PABPC1L: variants seen among roughly 807,000 people sequenced by gnomAD.
The protein encoded by PABPC1L is polyadenylate-binding protein 1-like.
PABPC1L carries 31 observed loss-of-function variants against 66.6 expected under a neutral mutation model. The ratio of observed to expected loss-of-function variants is 0.47; its 90% confidence interval spans 0.35 to 0.63. The LOEUF (loss-of-function observed/expected upper bound fraction) is 0.63, where lower values mean the gene tolerates loss of function less well. PABPC1L is among the 20% of genes least tolerant of loss of function. The probability of loss-of-function intolerance (pLI) is 0.00; values close to 1 mark genes in which losing one functional copy is unlikely to be tolerated. For synonymous variants in PABPC1L, 348 were observed against 335.1 expected (o/e 1.04, Z -0.42); for missense variants, 722 against 848.8 (o/e 0.85, Z 1.86).
At chr20:44,937,101 C>A in intron 12 of PABPC1L, 1 of 419,234 alleles carries the variant, frequency 2.4e-6, no homozygotes, top group South Asian at 1.8e-5. Flanking sequence ...CTCTCCTGAA[C>A]GGGAGGAAGC....
rs1490028042 is a variant in PABPC1L at position 44,919,024 on chromosome 20, C to T, written c.622C>T (p.Gln208Ter). 2 of 1,612,386 alleles carry T rather than the reference C, an allele frequency of 1.2e-6. No individual in the cohort carries two copies. Among genetic ancestry groups the T allele is most frequent in the African/African-American group, 2.7e-5 (2 of 74,900 alleles). Residue 208 changes from glutamine (Q) to a stop codon, truncating the protein, a stop_gained, in exon 4 of 15, where the codon CAG becomes TAG. Transcript: ENST00000217073. LOFTEE classifies it high-confidence loss of function. ...GGTGGATGTGGACGAGCAAGGCCTG[C>T]AGGACCTCTTCTCCCAGTTTGGTGG... ...LPVDVDEQGL[Q>*]DLFSQFGKML...
At chr20:44,934,434 T>C (rs1265766641) in intron 10 of PABPC1L, among the ~76,000 whole-genome samples, 1 of 152,266 alleles carries the variant, frequency 6.6e-6, no homozygotes, top group East Asian at 1.9e-4. Flanking sequence ...TCCAGAACTC[T>C]GTTCAGCTTG....
chr20:44,919,343 CA>C, intron 5 of PABPC1L, 66 bp downstream of exon 5: 1 of 1,545,478 alleles, frequency 6.5e-7, no homozygotes, highest in Non-Finnish European at 8.9e-7. Flanking sequence ...AAGAGGGTCC[CA>C]GCTGCCTGTG....
intron 11 of PABPC1L, 48 bp downstream of exon 11, chr20:44,935,545 T>C (rs1179860602): frequency 6.5e-7 from 1 of 1,541,622 alleles, no homozygotes; most frequent in Non-Finnish European, 9.0e-7. Flanking sequence ...CCTGGCCGCC[T>C]GGCTCAGAAC....
intron 7 of PABPC1L, among the ~76,000 whole-genome samples, chr20:44,928,475 A>G (rs2066825922): frequency 6.6e-6 from 1 of 152,172 alleles, no homozygotes; most frequent in Non-Finnish European, 1.5e-5. Context: ...CCATATTCAT[A>G]ATAGAAGGAA....
In PABPC1L at chr20:44,932,336, A is replaced by G. The variant is rs759018785; in HGVS notation, c.1240-6A>G. 9 of 1,602,282 alleles carry G rather than the reference A, an allele frequency of 5.6e-6. No individual in the cohort carries two copies. In the Admixed American group the frequency reaches 1.4e-4, roughly 24 times the overall value. On this transcript the variant is annotated splice_region_variant and splice_polypyrimidine_tract_variant and intron_variant, in intron 8 of 14. Coordinates refer to ENST00000217073, the MANE Select transcript of PABPC1L (RefSeq NM_001372179.1). ...CCCTCAGTCTGGGTCTTCTTTTCCCATGCAGCCTCCAGCCCAGGCTGCATA... is the reference window on the plus strand; with the variant it reads ...CCCTCAGTCTGGGTCTTCTTTTCCCGTGCAGCCTCCAGCCCAGGCTGCATA...
chr20:44,938,753 G>A lies in PABPC1L; in HGVS notation c.*6+5G>A, dbSNP rs1417453254. The A allele has an allele frequency of 1.6e-5, 26 of 1,608,540 alleles. No individual in the cohort carries two copies. The highest frequency in any genetic ancestry group is 2.7e-5 in the African/African-American group (2 of 74,912). ...GCGTACATGCACTGAAACCAGGTGG[G>A]TGGAATGGTGACAGAAGCAGCTGAG... On this transcript the variant is annotated splice_donor_5th_base_variant and intron_variant, in intron 14 of 14. Coordinates refer to ENST00000217073, the MANE Select transcript of PABPC1L (RefSeq NM_001372179.1).
Position 44,930,492 on chromosome 20 carries a change from TG to T in PABPC1L, c.1007del (p.Gly336AlafsTer15), listed in dbSNP as rs1160563997. 6.2e-7 allele frequency: 1 copy of T among 1,614,190 alleles called. No homozygotes were observed. The highest frequency in any genetic ancestry group is 8.5e-7 in the Non-Finnish European group (1 of 1,180,032). On this transcript the variant is annotated frameshift_variant, in exon 8 of 15. Coordinates refer to ENST00000217073, the MANE Select transcript of PABPC1L (RefSeq NM_001372179.1). LOFTEE classifies it high-confidence loss of function. The part of the protein sequence containing the change: ...MTEGGHSKGF[G>X]FVCFSSPEEA... ...CAGAGGGTGGCCACAGCAAGGGGTT[TG>T]GCTTTGTGTGTTTTTCCTCCCCAGA...
At chr20:44,921,922 C>T (rs2066777076) in intron 6 of PABPC1L, among the ~76,000 whole-genome samples, 191 bp downstream of exon 6, 1 of 152,186 alleles carries the variant, frequency 6.6e-6, no homozygotes, top group Non-Finnish European at 1.5e-5. Flanking sequence ...ACCCAACTGT[C>T]CAACCATCAT....
chr20:44,923,708 G>A (rs2066789748), intron 6 of PABPC1L, among the ~76,000 whole-genome samples: 1 of 152,070 alleles, frequency 6.6e-6, no homozygotes, highest in South Asian at 2.1e-4. Context: ...ATGAGTAAGT[G>A]CCCGAGGTTC....
intron 7 of PABPC1L, among the ~76,000 whole-genome samples, chr20:44,926,169 C>T (rs143826907): frequency 1.5e-3 from 225 of 152,334 alleles, no homozygotes; most frequent in African/African-American, 5.3e-3. Context: ...AGTTAAGGCA[C>T]ACCTGGGGTG....
chr20:44,914,052 A>G (rs1028719126), intron 2 of PABPC1L, among the ~76,000 whole-genome samples: 11 of 152,174 alleles, frequency 7.2e-5, no homozygotes, highest in African/African-American at 1.7e-4. Flanking sequence ...CAGCGGCCAT[A>G]TAGCAGGTCA....
At chr20:44,910,824 C>T (rs936707664) in intron 1 of PABPC1L, among the ~76,000 whole-genome samples, 15 of 151,742 alleles carry the variant, frequency 9.9e-5, no homozygotes, top group Admixed American at 6.6e-4. Context: ...AGGCCTTTCC[C>T]AGCGCGACGT....
In PABPC1L at chr20:44,921,692, G is replaced by A. The variant is rs2066774855; in HGVS notation, c.837G>A (p.Arg279=). The change falls in exon 6 of 15, where the codon AGG becomes AGA. Residue 279 remains arginine (R), a synonymous_variant. Transcript: ENST00000217073. ...AGCGGCAGAATGAACTGAAGCGCAG[G>A]TTTGAGCAGATGAAGCAGGACCGGC... The part of the protein sequence containing the change: ...RVERQNELKR[R]FEQMKQDRLR... The A allele has an allele frequency of 1.2e-6, 2 of 1,613,882 alleles. No individual in the cohort carries two copies. Among genetic ancestry groups the A allele is most frequent in the South Asian group, 1.1e-5 (1 of 91,078 alleles).
chr20:44,916,853 T>C lies in PABPC1L; in HGVS notation c.485T>C (p.Leu162Pro), dbSNP rs754056823. 1 of 1,614,162 alleles carries C rather than the reference T, an allele frequency of 6.2e-7. No individual in the cohort carries two copies. Among genetic ancestry groups the C allele is most frequent in the Non-Finnish European group, 8.5e-7 (1 of 1,180,020 alleles). ...GCCATCAACACCATGAATGGGATGC[T>C]GCTGAATGACCGCAAAGTGTGAGTG... Reference protein sequence around the residue: ...QQAINTMNGMLLNDRKVFVGH... With the variant: ...QQAINTMNGMPLNDRKVFVGH... The change falls in exon 3 of 15, where the codon CTG (leucine) becomes CCG (proline). Residue 162 changes from leucine to proline, a missense_variant. This residue lies in a region of PABPC1L where 284 missense variants were observed against 294.8 expected (regional missense o/e 0.96). Coordinates refer to ENST00000217073, the MANE Select transcript of PABPC1L (RefSeq NM_001372179.1).
intron 7 of PABPC1L, among the ~76,000 whole-genome samples, chr20:44,924,643 G>T (rs1478801081): frequency 6.6e-6 from 1 of 152,216 alleles, no homozygotes; most frequent in East Asian, 1.9e-4. Flanking sequence ...TGAGAGGGCT[G>T]GACTTCGTCA....
At position 44,912,775 on chromosome 20, in the gene PABPC1L, C is replaced by T. The variant is rs1481600126; in HGVS notation, c.309C>T (p.Ile103=). The T allele has an allele frequency of 6.2e-7, 1 of 1,614,188 alleles. No individual in the cohort carries two copies. ...LRKSGVGNIF[I]KNLEDSIDNK... is the part of the protein sequence containing the mutation. The stretch of plus-strand genomic sequence containing the variant: ...AGTCAGGTGTGGGCAACATCTTCAT[C>T]AAGAACCTGGAGGACTCCATTGACA... The change falls in exon 2 of 15, where the codon ATC becomes ATT. Residue 103 remains isoleucine (I), a synonymous_variant. Transcript: ENST00000217073.
chr20:44,929,630 A>G (rs988403065), intron 7 of PABPC1L, among the ~76,000 whole-genome samples: 12 of 151,790 alleles, frequency 7.9e-5, no homozygotes, highest in African/African-American at 2.9e-4. Flanking sequence ...CCCTCTCTCT[A>G]CTGAAAATAC....
chr20:44,930,994 A>G (rs991095920), intron 8 of PABPC1L, among the ~76,000 whole-genome samples: 1 of 90,762 alleles, frequency 1.1e-5, no homozygotes. Context: ...CAAGACCTAC[A>G]TTTTTCCTTC....
Sources: allele counts gnomAD v4.1 joint callset (sites outside exome capture counted in the v4.1 genomes callset), GRCh38; gene constraint gnomAD v4.1.1; regional missense constraint gnomAD v4.1.1; transcripts MANE v1.5; gene names NCBI Gene and HGNC (gene_info 2026-07-23, HGNC 2026-07-21).